TRPC1: variants seen among roughly 807,000 people sequenced by gnomAD.
The protein encoded by TRPC1 is transient receptor potential cation channel subfamily C member 1, also known as short transient receptor potential channel 1.
TRPC1 carries 42 observed loss-of-function variants against 88.2 expected under a neutral mutation model. That is an observed-to-expected ratio of 0.48 (90% CI 0.37 to 0.62). The LOEUF (loss-of-function observed/expected upper bound fraction) is 0.62, where lower values mean the gene tolerates loss of function less well. TRPC1 is among the 20% of genes least tolerant of loss of function. The probability of loss-of-function intolerance (pLI) is 0.00; values close to 1 mark genes in which losing one functional copy is unlikely to be tolerated. For missense variants in TRPC1, 699 were observed against 957.3 expected (o/e 0.73, Z 3.56); for synonymous variants, 288 against 331.8 (o/e 0.87, Z 1.43).
intron 2 of TRPC1, among the ~76,000 whole-genome samples, chr3:142,740,719 C>G (rs1424484045): frequency 6.6e-6 from 1 of 152,106 alleles, no homozygotes; most frequent in Non-Finnish European, 1.5e-5. Context: ...AGTAATTGGA[C>G]TTGGAAACTG....
chr3:142,740,622 A>T (rs1055335358), intron 2 of TRPC1, among the ~76,000 whole-genome samples: 3 of 152,262 alleles, frequency 2.0e-5, no homozygotes, highest in Non-Finnish European at 4.4e-5. Flanking sequence ...TATCAGAGGC[A>T]GTTAGGATAA....
Position 142,736,359 on chromosome 3 carries a change from G to T in TRPC1, c.173-20G>T. 6.5e-7 allele frequency: 1 copy of T among 1,537,466 alleles called. No individual in the cohort carries two copies. The highest frequency in any genetic ancestry group is 1.4e-5 in the African/African-American group (1 of 72,032). On this transcript the variant is annotated intron_variant, in intron 1 of 12. Transcript: ENST00000476941. ...TGATATGTCACGGATATTAAATTAT[G>T]TTTGTATATTGTTATTTAGGTGACT...
chr3:142,743,339 TGTACA>T, intron 2 of TRPC1, 141 bp from the exon 3 acceptor site: 1 of 563,084 alleles, frequency 1.8e-6, no homozygotes. Context: ...ATGTACTATT[TGTACA>T]GTCAAAATTT....
At chr3:142,754,458 A>C (rs2108059277) in intron 4 of TRPC1, among the ~76,000 whole-genome samples, 1 of 152,338 alleles carries the variant, frequency 6.6e-6, no homozygotes, top group Non-Finnish European at 1.5e-5. Flanking sequence ...GATGCAGCAC[A>C]CCAACATGGC....
rs574369039 is a variant in TRPC1 at position 142,805,988 on chromosome 3, A to G, written c.2155-20A>G. 4.1e-5 allele frequency: 66 copies of G among 1,604,838 alleles called. 1 individual carries two copies. The South Asian group carries it at 6.1e-4, about 15-fold the overall frequency. The stretch of plus-strand genomic sequence containing the variant: ...AATATCGTTTCTGCATATCCTTAGT[A>G]TCATATTGTTGTTTTGAAGGAATGG... On this transcript the variant is annotated intron_variant, in intron 12 of 12. Coordinates refer to ENST00000476941, the MANE Select transcript of TRPC1 (RefSeq NM_001251845.2).
At chr3:142,763,637 A>G (rs1362981973) in intron 4 of TRPC1, among the ~76,000 whole-genome samples, 2 of 152,034 alleles carry the variant, frequency 1.3e-5, no homozygotes, top group Non-Finnish European at 2.9e-5. Flanking sequence ...AAGCCACACT[A>G]TGCTTCTTAA....
intron 9 of TRPC1, among the ~76,000 whole-genome samples, chr3:142,797,034 G>A (rs565964635): frequency 3.8e-4 from 58 of 151,790 alleles, no homozygotes; most frequent in East Asian, 1.4e-3. Context: ...CTTCCCCTTC[G>A]CACTGTAAAA....
chr3:142,774,606 T>C (rs10049364), intron 4 of TRPC1, among the ~76,000 whole-genome samples: 4,426 of 152,306 alleles, frequency 0.029, 230 homozygotes, highest in African/African-American at 0.1. Flanking sequence ...GGCAAGGCTA[T>C]TCCTGCCTGA....
At chr3:142,804,366 G>T (rs1936718857) in intron 11 of TRPC1, 70 bp from the exon 12 acceptor site, 1 of 1,399,728 alleles carries the variant, frequency 7.1e-7, no homozygotes. Context: ...TCTGCAAGGT[G>T]TGGAAACATC....
At chr3:142,796,460 TTTTCCTTA>T (rs544940105) in intron 9 of TRPC1, among the ~76,000 whole-genome samples, 95 of 152,174 alleles carry the variant, frequency 6.2e-4, no homozygotes, top group Admixed American at 1.4e-3. Context: ...CTCTACCCTT[TTTTCCTTA>T]TTTCCTTATT....
At chr3:142,786,970 A>T (rs920312350) in intron 7 of TRPC1, among the ~76,000 whole-genome samples, 1 of 152,230 alleles carries the variant, frequency 6.6e-6, no homozygotes, top group Admixed American at 6.5e-5. Flanking sequence ...TTTGAATAGC[A>T]TAAATATTAC....
At chr3:142,765,581 T>A (rs977303351) in intron 4 of TRPC1, among the ~76,000 whole-genome samples, 1 of 152,174 alleles carries the variant, frequency 6.6e-6, no homozygotes, top group Non-Finnish European at 1.5e-5. Context: ...AGGCTTCCTG[T>A]TCAATAAATA....
chr3:142,733,471 A>G (rs1934010831), intron 1 of TRPC1, among the ~76,000 whole-genome samples: 1 of 152,172 alleles, frequency 6.6e-6, no homozygotes, highest in African/African-American at 2.4e-5. Context: ...AAATGGTGCC[A>G]TTGTACTCCT....
intron 4 of TRPC1, among the ~76,000 whole-genome samples, chr3:142,757,815 T>C (rs1372852957): frequency 6.6e-6 from 1 of 151,608 alleles, no homozygotes; most frequent in Non-Finnish European, 1.5e-5. Context: ...GTATAATAAT[T>C]AAAAAAAAAT....
chr3:142,759,675 G>A (rs1016224082), intron 4 of TRPC1, among the ~76,000 whole-genome samples: 1 of 152,070 alleles, frequency 6.6e-6, no homozygotes, highest in Non-Finnish European at 1.5e-5. Flanking sequence ...CTGTGCAGAA[G>A]CTCTTTAGTT....
At chr3:142,775,768 T>G (rs1935748647) in intron 4 of TRPC1, among the ~76,000 whole-genome samples, 1 of 152,124 alleles carries the variant, frequency 6.6e-6, no homozygotes, top group Non-Finnish European at 1.5e-5. Context: ...GAGGAAGAAG[T>G]ATAAATGAAT....
intron 9 of TRPC1, among the ~76,000 whole-genome samples, chr3:142,794,136 A>C (rs1004070535): frequency 1.3e-5 from 2 of 152,160 alleles, no homozygotes; most frequent in African/African-American, 4.8e-5. Flanking sequence ...GTATTTTTCC[A>C]AAACACAGTA....
At chr3:142,752,558 G>A (rs1934808611) in intron 4 of TRPC1, among the ~76,000 whole-genome samples, 1 of 151,920 alleles carries the variant, frequency 6.6e-6, no homozygotes. Context: ...AGGAGACAGT[G>A]GCCTTCCTCC....
chr3:142,739,413 T>C (rs1357306468), intron 2 of TRPC1, among the ~76,000 whole-genome samples: 1 of 152,192 alleles, frequency 6.6e-6, no homozygotes, highest in Non-Finnish European at 1.5e-5. Context: ...TCTTACCTAT[T>C]ATGCTAATCT....
Sources: gnomAD v4.1 joint callset for allele counts (sites outside exome capture counted in the v4.1 genomes callset) on GRCh38, gnomAD v4.1.1 for gene constraint, MANE v1.5 for transcripts, NCBI Gene and HGNC (gene_info 2026-07-23, HGNC 2026-07-21) for gene names.